SRR: variants seen among roughly 807,000 people sequenced by gnomAD.
The protein encoded by SRR is serine racemase.
SRR carries 19 observed loss-of-function variants against 32.7 expected under a neutral mutation model. The observed-to-expected ratio is 0.58, with a 90% CI of 0.40 to 0.85. The LOEUF (loss-of-function observed/expected upper bound fraction) is 0.85. Among genes scored for constraint, SRR ranks in the 40% least tolerant of loss-of-function variants. The pLI is 0.00. For synonymous variants in SRR, 142 were observed against 140.9 expected (o/e 1.01, Z -0.06); for missense variants, 373 against 404.7 (o/e 0.92, Z 0.67).
At position 2,306,632 on chromosome 17, in the gene SRR, A is replaced by T. The variant is rs1216742367; in HGVS notation, c.-5+2615A>T. 1.9e-5 allele frequency: 6 copies of T among 311,298 alleles called. No individual in the cohort carries two copies. In the East Asian group the frequency reaches 4.3e-4, roughly 22 times the overall value. The allele number at this position is 311,298 out of a possible 1,614,324, so 19.3% of individuals were successfully genotyped here. On this transcript the variant is annotated intron_variant, in intron 1 of 7. Transcript: ENST00000344595. ...CTTGGGAGACTGAGGCAGGAGAATC[A>T]CTTGAACCAAGGAGGTAGAGGCTGC...
intron 4 of SRR, 95 bp downstream of exon 4, chr17:2,319,024 G>C (rs878892948): frequency 2.5e-6 from 2 of 815,092 alleles, no homozygotes; most frequent in South Asian, 3.1e-5. Context: ...CCTCCTTTGT[G>C]GTTTCCCCTT....
At chr17:2,321,118 C>T (rs915997875) in intron 4 of SRR, among the ~76,000 whole-genome samples, 188 bp from the exon 5 acceptor site, 1 of 152,196 alleles carries the variant, frequency 6.6e-6, no homozygotes, top group Admixed American at 6.5e-5. Context: ...CATATATTTA[C>T]TTCATCCATC....
chr17:2,311,320 G>A lies in SRR; in HGVS notation c.-4-4237G>A, dbSNP rs1427056645. Among the ~76,000 whole-genome samples the A allele has an allele frequency of 2.6e-5, 4 of 152,034 alleles. No homozygotes were observed. In the South Asian group the frequency reaches 6.2e-4, roughly 24 times the overall value. ...TCCTGCCACTGTGCCCAGCCGAGGG[G>A]GCATAATTGACATTAAAAAATATTG... On this transcript the variant is annotated intron_variant, in intron 1 of 7. Coordinates refer to ENST00000344595, the MANE Select transcript of SRR (RefSeq NM_021947.3).
intron 1 of SRR, among the ~76,000 whole-genome samples, chr17:2,313,884 GATAGCAACTGTCTTTAGGTAGGA>G (rs2075451552): frequency 6.6e-6 from 1 of 152,192 alleles, no homozygotes; most frequent in African/African-American, 2.4e-5. Context: ...TAAACCACTG[GATAGCAACTGTCTTTAGGTAGGA>G]AGGTTTCGTG....
At chr17:2,309,811 G>A (rs1203723969) in intron 1 of SRR, 1 of 152,194 alleles carries the variant, frequency 6.6e-6, no homozygotes, top group East Asian at 1.9e-4. Flanking sequence ...CCTGGGCCAA[G>A]ATGGGCCAGA....
At chr17:2,322,206 G>A (rs181027275) in intron 6 of SRR, among the ~76,000 whole-genome samples, 2 of 152,292 alleles carry the variant, frequency 1.3e-5, no homozygotes, top group African/African-American at 2.4e-5. Flanking sequence ...TAGGATTACA[G>A]GTGTGAGCCA....
At position 2,324,815 on chromosome 17, in the gene SRR, T is replaced by C; in HGVS notation, c.*942T>C. On this transcript the variant is annotated 3_prime_UTR_variant, in exon 8 of 8. Coordinates refer to ENST00000344595, the MANE Select transcript of SRR (RefSeq NM_021947.3). ...ACTGACATAAGATGGCCTGTAGCAA[T>C]GAGGCTGTGCATTCCTAAAGGACAA... The C allele has an allele frequency of 1.2e-6, 2 of 1,613,330 alleles. No individual in the cohort carries two copies. The highest frequency in any genetic ancestry group is 1.1e-5 in the South Asian group (1 of 90,866).
Position 2,324,362 on chromosome 17 carries a change from T to C in SRR, c.*489T>C. On this transcript the variant is annotated 3_prime_UTR_variant, in exon 8 of 8. Transcript: ENST00000344595. The stretch of plus-strand genomic sequence containing the variant: ...CTTCCCATCAAAGCTGCATTTCATG[T>C]GGCCATGGGTACCTAGAAAGACATC... 6.4e-7 allele frequency: 1 copy of C among 1,564,616 alleles called. No individual in the cohort carries two copies. The highest frequency in any genetic ancestry group is 8.6e-7 in the Non-Finnish European group (1 of 1,158,852).
rs1340428231 is a variant in SRR at position 2,321,715 on chromosome 17, A to G, written c.594+99A>G. The G allele has an allele frequency of 3.7e-6, 4 of 1,072,376 alleles. No individual in the cohort carries two copies. The South Asian group carries it at 4.0e-5, about 11-fold the overall frequency. 66.4% of individuals were successfully genotyped at this position (1,072,376 alleles called of 1,614,324 possible). ...TGCTCAACATTCTGCACACATTACC[A>G]TTCCTTCCCCTTATTCCTTTGGGAC... On this transcript the variant is annotated intron_variant, in intron 6 of 7. Coordinates refer to ENST00000344595, the MANE Select transcript of SRR (RefSeq NM_021947.3).
intron 1 of SRR, chr17:2,307,415 A>G (rs564184248): frequency 5.0e-5 from 62 of 1,243,718 alleles, no homozygotes; most frequent in South Asian, 1.6e-4. Context: ...TTTGGTTGTG[A>G]AGGAAATTTC....
chr17:2,316,706 T>G (rs1423838861), intron 2 of SRR, among the ~76,000 whole-genome samples: 1 of 151,236 alleles, frequency 6.6e-6, no homozygotes, highest in Non-Finnish European at 1.5e-5. Context: ...ATGAAACGCT[T>G]TTTTGTTTTG....
intron 1 of SRR, 40 bp from the exon 2 acceptor site, chr17:2,315,517 C>T (rs998590925): frequency 3.1e-6 from 5 of 1,588,680 alleles, no homozygotes; most frequent in Admixed American, 3.6e-5. Flanking sequence ...CATACTGTCT[C>T]AGACTTTGCT....
chr17:2,323,858 GTCTGTT>G lies in SRR; in HGVS notation c.1016_1021del (p.Ser339_Val340del). On this transcript the variant is annotated inframe_deletion, in exon 8 of 8. Coordinates refer to ENST00000344595, the MANE Select transcript of SRR (RefSeq NM_021947.3). Reference sequence around the variant, plus strand: ...AGGCTGAAAGGCCAGCTTCTTATCAGTCTGTTTCTGTTTAATTTACAGAAAAGGAAA... The same window carrying G: ...AGGCTGAAAGGCCAGCTTCTTATCAGTCTGTTTAATTTACAGAAAAGGAAA... 6.2e-7 allele frequency: 1 copy of G among 1,614,034 alleles called. No homozygotes were observed. The highest frequency in any genetic ancestry group is 8.5e-7 in the Non-Finnish European group (1 of 1,179,970).
intron 1 of SRR, among the ~76,000 whole-genome samples, chr17:2,313,117 G>A (rs2075444752): frequency 6.6e-6 from 1 of 152,158 alleles, no homozygotes; most frequent in African/African-American, 2.4e-5. Context: ...TGTAAAAGAA[G>A]TACTATTAAG....
In SRR at chr17:2,323,958, C is replaced by A; in HGVS notation, c.*85C>A. The A allele has an allele frequency of 7.6e-7, 1 of 1,307,496 alleles. No individual in the cohort carries two copies. The highest frequency in any genetic ancestry group is 1.4e-5 in the South Asian group (1 of 73,912). 81.0% of individuals were successfully genotyped at this position (1,307,496 alleles called of 1,614,324 possible). The stretch of plus-strand genomic sequence containing the variant: ...CCTAGTATTGTCAACTCTTAGTTAT[C>A]AGATTCTTAATGGAGAGTGGCTATT... On this transcript the variant is annotated 3_prime_UTR_variant, in exon 8 of 8. Coordinates refer to ENST00000344595, the MANE Select transcript of SRR (RefSeq NM_021947.3).
chr17:2,319,905 G>A (rs1475841660), intron 4 of SRR, among the ~76,000 whole-genome samples: 5 of 144,328 alleles, frequency 3.5e-5, no homozygotes, highest in Admixed American at 7.4e-5. Flanking sequence ...TGCAAGCCCC[G>A]CCTCCTGGGT....
At chr17:2,315,493 ATC>A in intron 1 of SRR, 62 bp from the exon 2 acceptor site, 1 of 1,486,302 alleles carries the variant, frequency 6.7e-7, no homozygotes. Context: ...TATTTTCAAA[ATC>A]TCTTCAATAA....
rs1245763539 is a variant in SRR, at chr17:2,318,146, TG to T, written c.295+151del. The T allele has an allele frequency of 4.1e-6, 4 of 976,902 alleles. No individual in the cohort carries two copies. In the African/African-American group the frequency reaches 5.0e-5, roughly 12 times the overall value. The allele number at this position is 976,902 out of a possible 1,614,324, so 60.5% of individuals were successfully genotyped here. A position where few individuals can be genotyped will look rare whatever the true frequency, so the allele number is the denominator to read the frequency against. On this transcript the variant is annotated intron_variant, in intron 3 of 7. Transcript: ENST00000344595. Reference sequence around the variant, plus strand: ...GCAATATGAACATAAGTTTTTTTTTTGTTTGTTTTGTTTTTTTGAAGACAGA... The same window carrying T: ...GCAATATGAACATAAGTTTTTTTTTTTTTGTTTTGTTTTTTTGAAGACAGA...
intron 6 of SRR, 25 bp downstream of exon 6, chr17:2,321,641 T>G (rs1173427376): frequency 2.5e-6 from 4 of 1,607,916 alleles, no homozygotes; most frequent in Non-Finnish European, 3.4e-6. Flanking sequence ...GAGGATTCCC[T>G]GCTTCAAGCA....
Sources: gnomAD v4.1 joint callset for allele counts (sites outside exome capture counted in the v4.1 genomes callset) on GRCh38, gnomAD v4.1.1 for gene constraint, MANE v1.5 for transcripts, NCBI Gene and HGNC (gene_info 2026-07-23, HGNC 2026-07-21) for gene names.